CNTN5: variants seen among roughly 807,000 people sequenced by gnomAD.
The protein encoded by CNTN5 is contactin-5.
A neutral mutation model predicts 129.1 loss-of-function variants in CNTN5; 77 were observed. That is an observed-to-expected ratio of 0.60 (90% CI 0.50 to 0.72). The LOEUF (loss-of-function observed/expected upper bound fraction) is 0.72, where lower values mean the gene tolerates loss of function less well. CNTN5 is among the 30% of genes least tolerant of loss of function. The pLI, the probability that CNTN5 is intolerant of heterozygous loss-of-function variation, is 0.00. For synonymous variants in CNTN5, 509 were observed against 465.6 expected (o/e 1.09, Z -1.20); for missense variants, 1,478 against 1,328.8 (o/e 1.11, Z -1.75).
intron 2 of CNTN5, among the ~76,000 whole-genome samples, chr11:99,512,395 T>C (rs1023686498): frequency 6.6e-6 from 1 of 152,176 alleles, no homozygotes; most frequent in South Asian, 2.1e-4. Context: ...AGTATATTTA[T>C]GATGTTTTCA....
At chr11:99,645,262 C>CAAAAAAAA (rs71050011) in intron 3 of CNTN5, among the ~76,000 whole-genome samples, 6 of 47,496 alleles carry the variant, frequency 1.3e-4, no homozygotes, top group East Asian at 6.7e-4. Flanking sequence ...TCCATCTCAA[C>CAAAAAAAA]AAAAAAAAAA....
At chr11:99,236,252 T>C (rs1861253274) in intron 1 of CNTN5, among the ~76,000 whole-genome samples, 1 of 152,128 alleles carries the variant, frequency 6.6e-6, no homozygotes, top group Admixed American at 6.5e-5. Context: ...AACTTTTCTT[T>C]CCACTACAGC....
chr11:100,234,338 T>G (rs918333343), intron 16 of CNTN5, among the ~76,000 whole-genome samples: 1 of 152,156 alleles, frequency 6.6e-6, no homozygotes, highest in South Asian at 2.1e-4. Context: ...TAAAGACACA[T>G]GCACATGTAT....
chr11:99,697,346 A>T (rs1291606154), intron 3 of CNTN5, among the ~76,000 whole-genome samples: 1 of 151,692 alleles, frequency 6.6e-6, no homozygotes, highest in East Asian at 1.9e-4. Context: ...TTTACAGCCT[A>T]TGTTCAGTGA....
chr11:100,278,223 A>C (rs757547460), intron 18 of CNTN5, among the ~76,000 whole-genome samples: 1 of 152,136 alleles, frequency 6.6e-6, no homozygotes, highest in Admixed American at 6.6e-5. Context: ...GCTCTCAAGT[A>C]TAATTTAAAG....
chr11:99,586,246 A>C (rs1949789720), intron 3 of CNTN5, among the ~76,000 whole-genome samples: 1 of 152,160 alleles, frequency 6.6e-6, no homozygotes, highest in African/African-American at 2.4e-5. Context: ...CCACAAGCTC[A>C]ATCAAATATA....
At chr11:100,211,877 T>C (rs1949040167) in intron 15 of CNTN5, among the ~76,000 whole-genome samples, 1 of 152,176 alleles carries the variant, frequency 6.6e-6, no homozygotes, top group Non-Finnish European at 1.5e-5. Context: ...ATTATGTGGA[T>C]ATATTCACCA....
At chr11:99,442,171 G>C (rs933348759) in intron 2 of CNTN5, among the ~76,000 whole-genome samples, 2 of 151,882 alleles carry the variant, frequency 1.3e-5, no homozygotes, top group African/African-American at 4.8e-5. Flanking sequence ...AGCTATGAGG[G>C]CTATATATAT....
chr11:99,612,233 G>A (rs1326693185), intron 3 of CNTN5, among the ~76,000 whole-genome samples: 1 of 152,112 alleles, frequency 6.6e-6, no homozygotes, highest in Non-Finnish European at 1.5e-5. Context: ...GTCTGACCAG[G>A]TTTTCTGATC....
intron 8 of CNTN5, among the ~76,000 whole-genome samples, chr11:99,977,099 T>C (rs1222226145): frequency 6.6e-6 from 1 of 152,206 alleles, no homozygotes; most frequent in Non-Finnish European, 1.5e-5. Context: ...CTCAAGTTCA[T>C]AGTTCCACAG....
chr11:99,408,470 GAAAGAAAGAA>G (rs1942226312), intron 2 of CNTN5, among the ~76,000 whole-genome samples: 1 of 129,864 alleles, frequency 7.7e-6, no homozygotes, highest in African/African-American at 2.7e-5. Flanking sequence ...AAGAAAGAAA[GAAAGAAAGAA>G]AGAAAGAAAG....
At chr11:99,666,937 T>C (rs948961069) in intron 3 of CNTN5, among the ~76,000 whole-genome samples, 1 of 152,082 alleles carries the variant, frequency 6.6e-6, no homozygotes, top group African/African-American at 2.4e-5. Flanking sequence ...AAATACATGG[T>C]TTTTAATTGA....
chr11:100,288,352 C>T (rs1292679652), intron 18 of CNTN5, among the ~76,000 whole-genome samples: 4 of 151,956 alleles, frequency 2.6e-5, no homozygotes, highest in Admixed American at 6.6e-5. Context: ...TGACCACATA[C>T]TTGGAAGTAA....
intron 9 of CNTN5, among the ~76,000 whole-genome samples, chr11:100,046,644 T>A (rs1022002786): frequency 6.6e-6 from 1 of 152,178 alleles, no homozygotes; most frequent in Non-Finnish European, 1.5e-5. Flanking sequence ...ATATAAAACA[T>A]ATGTATTCAT....
intron 13 of CNTN5, among the ~76,000 whole-genome samples, chr11:100,077,892 A>C (rs1000241398): frequency 6.6e-6 from 1 of 152,070 alleles, no homozygotes; most frequent in East Asian, 1.9e-4. Flanking sequence ...AAATACGTCA[A>C]TTGCTTTCAT....
At chr11:99,251,524 A>G (rs1021366012) in intron 1 of CNTN5, among the ~76,000 whole-genome samples, 1 of 151,916 alleles carries the variant, frequency 6.6e-6, no homozygotes, top group African/African-American at 2.4e-5. Context: ...AGTAATTTAT[A>G]CAATAAATGT....
intron 3 of CNTN5, among the ~76,000 whole-genome samples, chr11:99,756,278 A>T (rs935210760): frequency 6.6e-6 from 1 of 152,128 alleles, no homozygotes; most frequent in Non-Finnish European, 1.5e-5. Flanking sequence ...GTTACGATCA[A>T]TTATGGGTTT....
chr11:99,857,092 C>G (rs1032381497), intron 6 of CNTN5, among the ~76,000 whole-genome samples: 1 of 149,832 alleles, frequency 6.7e-6, no homozygotes, highest in Non-Finnish European at 1.5e-5. Context: ...CTCTCTCTGT[C>G]TCTGTCTTTC....
intron 3 of CNTN5, among the ~76,000 whole-genome samples, chr11:99,816,809 C>T (rs1417368832): frequency 1.3e-5 from 2 of 152,162 alleles, no homozygotes; most frequent in Non-Finnish European, 2.9e-5. Context: ...TGTCCTCCCA[C>T]CTCTCTCCCT....
Sources: allele counts gnomAD v4.1 joint callset (sites outside exome capture counted in the v4.1 genomes callset), GRCh38; gene constraint gnomAD v4.1.1; transcripts MANE v1.5; gene names NCBI Gene and HGNC (gene_info 2026-07-23, HGNC 2026-07-21).